PDE1A: variants seen among roughly 807,000 people sequenced by gnomAD.
PDE1A encodes phosphodiesterase 1A.
Under a neutral mutation model 61.7 loss-of-function variants are expected in PDE1A, and 35 were observed. That is an observed-to-expected ratio of 0.57 (90% CI 0.43 to 0.75). PDE1A has a LOEUF of 0.75. PDE1A is among the 30% of genes least tolerant of loss of function. The pLI, the probability that PDE1A is intolerant of heterozygous loss-of-function variation, is 0.00. For synonymous variants in PDE1A, 232 were observed against 213.2 expected (o/e 1.09, Z -0.77); for missense variants, 597 against 630.6 (o/e 0.95, Z 0.57).
chr2:182,390,956 C>T (rs1216331948), intron 1 of PDE1A, among the ~76,000 whole-genome samples: 1 of 152,164 alleles, frequency 6.6e-6, no homozygotes, highest in Non-Finnish European at 1.5e-5. Context: ...TCCTCAGGAC[C>T]CACCACAACA....
intron 13 of PDE1A, among the ~76,000 whole-genome samples, chr2:182,183,780 GAAAATATAA>G (rs1684964308): frequency 1.3e-5 from 2 of 151,602 alleles, no homozygotes; most frequent in Non-Finnish European, 1.5e-5. Flanking sequence ...AACAATGAAT[GAAAATATAA>G]AATATCAACA....
chr2:182,548,261 T>C, the PDE1A span, among the ~76,000 whole-genome samples: 1 of 152,180 alleles, frequency 6.6e-6, no homozygotes, highest in Non-Finnish European at 1.5e-5. Flanking sequence ...ACAGCTGGTT[T>C]TGCCTTTTTT....
chr2:182,262,111 A>AATG (rs1178037630), intron 2 of PDE1A, among the ~76,000 whole-genome samples: 1 of 122,482 alleles, frequency 8.2e-6, no homozygotes, highest in Non-Finnish European at 1.9e-5. Context: ...TCACCAAGAA[A>AATG]ATAATTTCTT....
At chr2:182,421,938 A>G (rs1156553031) in intron 1 of PDE1A, among the ~76,000 whole-genome samples, 2 of 152,302 alleles carry the variant, frequency 1.3e-5, no homozygotes, top group Non-Finnish European at 2.9e-5. Flanking sequence ...TGCTTTCTCC[A>G]TTATTAAATG....
intron 1 of PDE1A, among the ~76,000 whole-genome samples, chr2:182,287,431 A>G (rs868554966): frequency 1.2e-4 from 18 of 152,010 alleles, no homozygotes; most frequent in Admixed American, 6.6e-5. Context: ...TATCACGTCT[A>G]TTTACCTATC....
chr2:182,369,184 C>G (rs1424452832), intron 1 of PDE1A, among the ~76,000 whole-genome samples: 1 of 152,156 alleles, frequency 6.6e-6, no homozygotes, highest in Admixed American at 6.5e-5. Flanking sequence ...TGCATTCTGT[C>G]TGTCTCTAGT....
At chr2:182,201,405 C>T in intron 10 of PDE1A, 34 bp downstream of exon 10, 2 of 1,610,600 alleles carry the variant, frequency 1.2e-6, no homozygotes, top group African/African-American at 1.3e-5. Flanking sequence ...GTCACTATTT[C>T]CAAAAACATT....
chr2:182,323,710 G>T (rs1010892189), intron 1 of PDE1A, among the ~76,000 whole-genome samples: 1 of 152,104 alleles, frequency 6.6e-6, no homozygotes, highest in South Asian at 2.1e-4. Flanking sequence ...CAATGAATAG[G>T]GCAGGAAGCC....
the PDE1A span, among the ~76,000 whole-genome samples, chr2:182,634,833 T>G: frequency 1.3e-5 from 2 of 152,222 alleles, no homozygotes; most frequent in Admixed American, 1.3e-4. Context: ...TGGATGATGA[T>G]TCATCTTTAG....
the PDE1A span, among the ~76,000 whole-genome samples, chr2:182,596,679 C>CTGGATGGATGGATGGA: frequency 0.018 from 2,674 of 149,078 alleles, 34 homozygotes; most frequent in African/African-American, 0.036. Flanking sequence ...GAATAATAAA[C>CTGGATGGATGGATGGA]TGGATGGATG....
At chr2:182,644,765 G>T in the PDE1A span, among the ~76,000 whole-genome samples, 2 of 151,946 alleles carry the variant, frequency 1.3e-5, no homozygotes, top group Non-Finnish European at 2.9e-5. Flanking sequence ...ACTAGCACAT[G>T]GTTCCTTCTT....
chr2:182,552,741 G>A, the PDE1A span, among the ~76,000 whole-genome samples: 18 of 152,240 alleles, frequency 1.2e-4, no homozygotes, highest in South Asian at 2.1e-4. Context: ...GACAAGGATC[G>A]GGATATAAAC....
In PDE1A at chr2:182,183,815, TA is replaced by T. The variant is rs931796232; in HGVS notation, c.1516+2076del. ...AATATCAACAGAGAAATAGACATTA[TA>T]AAAAAGAACCAAATGGAAATAATAA... is the stretch of plus-strand genomic sequence containing the variant. On this transcript the variant is annotated intron_variant, in intron 13 of 13. Coordinates refer to ENST00000351439, the Ensembl canonical transcript of PDE1A. Among the ~76,000 whole-genome samples the T allele has an allele frequency of 4.0e-5, 6 of 151,486 alleles. No individual in the cohort carries two copies. The South Asian group carries it at 8.4e-4, about 21-fold the overall frequency.
chr2:182,405,362 A>G (rs978370129), intron 1 of PDE1A, among the ~76,000 whole-genome samples: 2 of 152,238 alleles, frequency 1.3e-5, no homozygotes, highest in African/African-American at 2.4e-5. Flanking sequence ...GCTTATTGCC[A>G]TCTAATACTG....
chr2:182,587,001 G>C, the PDE1A span, among the ~76,000 whole-genome samples: 1 of 152,164 alleles, frequency 6.6e-6, no homozygotes, highest in Admixed American at 6.5e-5. Context: ...TGGCAGGGGT[G>C]GGGGGTGTAA....
At chr2:182,413,813 T>C (rs1702759722) in intron 1 of PDE1A, among the ~76,000 whole-genome samples, 1 of 152,184 alleles carries the variant, frequency 6.6e-6, no homozygotes, top group Non-Finnish European at 1.5e-5. Flanking sequence ...TGTGTCTGTG[T>C]GTTTATGTTA....
chr2:182,206,281 T>C (rs950160373), intron 7 of PDE1A, among the ~76,000 whole-genome samples: 1 of 152,184 alleles, frequency 6.6e-6, no homozygotes, highest in Non-Finnish European at 1.5e-5. Context: ...CACAGCAAAA[T>C]GGAAGTTGGT....
intron 7 of PDE1A, among the ~76,000 whole-genome samples, chr2:182,221,225 C>T (rs1295508462): frequency 6.6e-6 from 1 of 151,988 alleles, no homozygotes; most frequent in Non-Finnish European, 1.5e-5. Flanking sequence ...GATGATCTAA[C>T]ACTGCTGCTG....
intron 1 of PDE1A, among the ~76,000 whole-genome samples, chr2:182,367,062 C>T (rs1369901779): frequency 1.3e-5 from 2 of 151,850 alleles, no homozygotes; most frequent in Non-Finnish European, 2.9e-5. Flanking sequence ...TAGTGATCAC[C>T]TAATGCAGGC....
Sources: allele counts gnomAD v4.1 joint callset (sites outside exome capture counted in the v4.1 genomes callset), GRCh38; gene constraint gnomAD v4.1.1; transcripts MANE v1.5; gene names NCBI Gene and HGNC (gene_info 2026-07-23, HGNC 2026-07-21).